The following EIF3H variants were observed in gnomAD, a reference collection of about 807,000 sequenced individuals.
The protein encoded by EIF3H is eukaryotic translation initiation factor 3 subunit H.
Under a neutral mutation model 44.2 loss-of-function variants are expected in EIF3H, and 26 were observed. The ratio of observed to expected loss-of-function variants is 0.59; its 90% CI spans 0.43 to 0.82. EIF3H has a LOEUF of 0.82. Ranked by LOEUF, EIF3H falls within the 40% of genes least tolerant of loss-of-function variation. The pLI, the probability that EIF3H is intolerant of heterozygous loss-of-function variation, is 0.00. For missense variants in EIF3H, 359 were observed against 432.8 expected (o/e 0.83, Z 1.51); for synonymous variants, 166 against 151.9 (o/e 1.09, Z -0.68).
intron 2 of EIF3H, among the ~76,000 whole-genome samples, chr8:116,705,126 G>A (rs1814444828): frequency 6.6e-6 from 1 of 152,104 alleles, no homozygotes; most frequent in South Asian, 2.1e-4. Context: ...GTCAGAGATG[G>A]ATCCTAATGC....
chr8:116,696,953 A>G, intron 2 of EIF3H: 1 of 359,196 alleles, frequency 2.8e-6, no homozygotes. Context: ...ACATGTACAC[A>G]AACAAAAAAA....
At chr8:116,715,887 T>C (rs988513897) in intron 2 of EIF3H, among the ~76,000 whole-genome samples, 3 of 113,244 alleles carry the variant, frequency 2.6e-5, no homozygotes, top group African/African-American at 7.4e-5. Flanking sequence ...AGTATGAGTT[T>C]TTCTACTCTT....
chr8:116,732,458 T>A (rs547489415), intron 1 of EIF3H, among the ~76,000 whole-genome samples: 1 of 152,168 alleles, frequency 6.6e-6, no homozygotes, highest in Non-Finnish European at 1.5e-5. Flanking sequence ...GACCTCCCTA[T>A]CAAAATCATA....
chr8:116,725,866 T>C (rs1814827096), intron 2 of EIF3H, 150 bp downstream of exon 2: 1 of 908,960 alleles, frequency 1.1e-6, no homozygotes. Context: ...TTCCCAGAAT[T>C]TATATAATTT....
chr8:116,669,141 C>T (rs1287858602), intron 2 of EIF3H, among the ~76,000 whole-genome samples: 1 of 152,070 alleles, frequency 6.6e-6, no homozygotes, highest in Non-Finnish European at 1.5e-5. Flanking sequence ...GATCAAAAAA[C>T]AATCTACCAT....
chr8:116,700,340 G>T (rs1158324681), intron 2 of EIF3H, among the ~76,000 whole-genome samples: 1 of 152,058 alleles, frequency 6.6e-6, no homozygotes, highest in Non-Finnish European at 1.5e-5. Context: ...TGCGGCCCAG[G>T]ACAGCTTTGA....
intron 5 of EIF3H, among the ~76,000 whole-genome samples, chr8:116,655,153 G>T (rs1448314377): frequency 6.6e-6 from 1 of 151,828 alleles, no homozygotes; most frequent in Non-Finnish European, 1.5e-5. Flanking sequence ...TATACATGTG[G>T]CTCTATTCAC....
At chr8:116,694,335 G>A (rs1449358450) in intron 2 of EIF3H, among the ~76,000 whole-genome samples, 2 of 152,062 alleles carry the variant, frequency 1.3e-5, no homozygotes, top group African/African-American at 2.4e-5. Context: ...ATTTGAAATT[G>A]CATTTCTTTC....
At chr8:116,762,673 C>T (rs1815529503) in intron 1 of EIF3H, among the ~76,000 whole-genome samples, 1 of 152,202 alleles carries the variant, frequency 6.6e-6, no homozygotes, top group South Asian at 2.1e-4. Context: ...GTGGCTCACG[C>T]CTGTAATCCC....
intron 2 of EIF3H, among the ~76,000 whole-genome samples, chr8:116,715,099 TCA>T (rs1814640207): frequency 6.6e-6 from 1 of 152,046 alleles, no homozygotes; most frequent in Non-Finnish European, 1.5e-5. Context: ...CTCTCCAACC[TCA>T]GTCACACAAA....
At chr8:116,689,472 T>A (rs1229526492) in intron 2 of EIF3H, among the ~76,000 whole-genome samples, 1 of 152,160 alleles carries the variant, frequency 6.6e-6, no homozygotes, top group African/African-American at 2.4e-5. Context: ...CAAGTGAGGG[T>A]AATGTTTTAC....
At chr8:116,762,502 A>T (rs1216326576) in intron 1 of EIF3H, among the ~76,000 whole-genome samples, 1 of 152,204 alleles carries the variant, frequency 6.6e-6, no homozygotes, top group East Asian at 1.9e-4. Context: ...GGAAGGAAGG[A>T]GATATAAAAC....
intron 2 of EIF3H, among the ~76,000 whole-genome samples, chr8:116,697,721 T>C (rs1466970704): frequency 6.6e-6 from 1 of 152,214 alleles, no homozygotes; most frequent in African/African-American, 2.4e-5. Flanking sequence ...TAAATATTAT[T>C]CTCTTTTAAA....
At chr8:116,698,074 G>A (rs758274345) in intron 2 of EIF3H, among the ~76,000 whole-genome samples, 11 of 152,132 alleles carry the variant, frequency 7.2e-5, no homozygotes, top group Non-Finnish European at 1.5e-4. Flanking sequence ...GGATTCAAAT[G>A]CACCAAGTCT....
chr8:116,717,840 A>G (rs1032324169), intron 2 of EIF3H, among the ~76,000 whole-genome samples: 1 of 152,130 alleles, frequency 6.6e-6, no homozygotes, highest in Non-Finnish European at 1.5e-5. Flanking sequence ...TGGCTTAGGC[A>G]TATTTCACGA....
chr8:116,722,970 A>G (rs16888699), intron 2 of EIF3H, among the ~76,000 whole-genome samples: 20,218 of 152,248 alleles, frequency 0.13, 1,657 homozygotes, highest in African/African-American at 0.23. Context: ...AACATTGGTC[A>G]ATTCAAGTAC....
At chr8:116,725,888 C>G (rs1308594831) in intron 2 of EIF3H, 128 bp downstream of exon 2, 1 of 1,108,648 alleles carries the variant, frequency 9.0e-7, no homozygotes, top group African/African-American at 1.6e-5. Context: ...CCCAAAGTAT[C>G]AGACATCAAG....
At chr8:116,663,904 C>T (rs1239555920) in intron 2 of EIF3H, among the ~76,000 whole-genome samples, 1 of 139,224 alleles carries the variant, frequency 7.2e-6, no homozygotes, top group African/African-American at 2.7e-5. Context: ...GCACTCCAGC[C>T]TGGGAGACAG....
Position 116,657,098 on chromosome 8 carries a change from T to C in EIF3H, c.557+117A>G, listed in dbSNP as rs977596155. 3.3e-5 allele frequency: 28 copies of C among 853,228 alleles called. No homozygotes were observed. The Admixed American group carries it at 4.8e-4, about 15-fold the overall frequency. 52.9% of individuals were successfully genotyped at this position (853,228 alleles called of 1,614,324 possible). A position where few individuals can be genotyped will look rare whatever the true frequency, so the allele number is the denominator to read the frequency against. ...CAGCACTCGGCATGCAGAAAACTTC[T>C]ACAGTCCACATGGCAAAAGCATTAC... On this transcript the variant is annotated intron_variant, in intron 4 of 7. Coordinates refer to ENST00000521861, the MANE Select transcript of EIF3H (RefSeq NM_003756.3).
Sources: gnomAD v4.1 joint callset for allele counts (sites outside exome capture counted in the v4.1 genomes callset) on GRCh38, gnomAD v4.1.1 for gene constraint, MANE v1.5 for transcripts, NCBI Gene and HGNC (gene_info 2026-07-23, HGNC 2026-07-21) for gene names.